The following PTPRC variants were observed in gnomAD, a reference collection of about 807,000 sequenced individuals.
The protein encoded by PTPRC is receptor-type tyrosine-protein phosphatase C.
PTPRC carries 44 observed loss-of-function variants against 155.9 expected under a neutral mutation model. The ratio of observed to expected loss-of-function variants is 0.28; its 90% CI spans 0.22 to 0.36. PTPRC has a LOEUF of 0.36. Among genes scored for constraint, PTPRC ranks in the 10% least tolerant of loss-of-function variants. The probability of loss-of-function intolerance (pLI) is 1.00; values close to 1 mark genes in which losing one functional copy is unlikely to be tolerated. For missense variants in PTPRC, 1,401 were observed against 1,564.6 expected, an observed-to-expected ratio of 0.90 and a Z score of 1.76; for synonymous variants, 525 against 533.1, an observed-to-expected ratio of 0.98 and a Z score of 0.21.
intron 2 of PTPRC, among the ~76,000 whole-genome samples, chr1:198,651,986 G>A (rs1208669275): frequency 6.6e-6 from 1 of 151,670 alleles, no homozygotes; most frequent in Non-Finnish European, 1.5e-5. Flanking sequence ...ACAATCCTTG[G>A]TCACTAGTCT....
chr1:198,660,136 C>G (rs1663875237), intron 2 of PTPRC, among the ~76,000 whole-genome samples: 1 of 146,790 alleles, frequency 6.8e-6, no homozygotes, highest in Non-Finnish European at 1.5e-5. Flanking sequence ...CATTTTCAGT[C>G]TCTTCATATA....
chr1:198,638,984 C>T (rs575470980), upstream of PTPRC: 624 of 395,272 alleles, frequency 1.6e-3, 8 homozygotes, highest in African/African-American at 0.011. Flanking sequence ...ACTTTTTTGA[C>T]TTCCTGCAAA....
At chr1:198,750,461 AC>A (rs1366395264) in intron 28 of PTPRC, 30 bp from the exon 29 acceptor site, 1 of 1,604,094 alleles carries the variant, frequency 6.2e-7, no homozygotes. Flanking sequence ...TTCTGTAGTA[AC>A]GAAGTCCCAC....
rs1327707924 is a variant in PTPRC, at chr1:198,640,952, T to C, written c.73+1611T>C. On this transcript the variant is annotated intron_variant, in intron 2 of 32. Coordinates refer to ENST00000442510, the MANE Select transcript of PTPRC (RefSeq NM_002838.5). ...AAATTCAACTCATTCTATTACAGGA[T>C]GTTTTTTTAACCATAAGACACATCT... is the stretch of plus-strand genomic sequence containing the variant. Among the ~76,000 whole-genome samples the C allele has an allele frequency of 3.3e-5, 5 of 152,120 alleles. No individual in the cohort carries two copies. In the East Asian group the frequency reaches 5.8e-4, roughly 18 times the overall value.
intron 7 of PTPRC, chr1:198,703,656 AG>A (rs1187760886): frequency 1.9e-6 from 1 of 514,026 alleles, no homozygotes; most frequent in East Asian, 3.7e-5. Context: ...GGTCTTAGTA[AG>A]GAAAAGAACA....
At chr1:198,644,363 A>G (rs1411035939) in intron 2 of PTPRC, among the ~76,000 whole-genome samples, 1 of 151,906 alleles carries the variant, frequency 6.6e-6, no homozygotes, top group East Asian at 1.9e-4. Context: ...AAATATGGCA[A>G]GACTTTAGCA....
In PTPRC at chr1:198,639,458, A is replaced by G. The variant is rs568091555; in HGVS notation, c.73+117A>G. Reference sequence around the variant, plus strand: ...TAACTGGAAGTGAGAAGCCTGCTGTAAACCATCAAGATTGTTGTCTCAGGG... The same window carrying G: ...TAACTGGAAGTGAGAAGCCTGCTGTGAACCATCAAGATTGTTGTCTCAGGG... On this transcript the variant is annotated intron_variant, in intron 2 of 32. Transcript: ENST00000442510. The G allele has an allele frequency of 3.9e-6, 3 of 777,862 alleles. No individual in the cohort carries two copies. The South Asian group carries it at 5.0e-5, about 13-fold the overall frequency. 48.2% of individuals were successfully genotyped at this position (777,862 alleles called of 1,614,324 possible). A position where few individuals can be genotyped will look rare whatever the true frequency, so the allele number is the denominator to read the frequency against.
intron 2 of PTPRC, among the ~76,000 whole-genome samples, chr1:198,686,832 G>A (rs1473963789): frequency 6.6e-6 from 1 of 152,130 alleles, no homozygotes; most frequent in Non-Finnish European, 1.5e-5. Context: ...AAGTAATACA[G>A]GAAATAGGGT....
chr1:198,749,206 T>G (rs751693608), intron 27 of PTPRC, among the ~76,000 whole-genome samples: 7 of 151,762 alleles, frequency 4.6e-5, no homozygotes, highest in Admixed American at 3.3e-4. Flanking sequence ...ATGTTCCATG[T>G]TTTTTCCTGG....
intron 2 of PTPRC, among the ~76,000 whole-genome samples, chr1:198,673,211 G>T (rs1286527827): frequency 2.0e-5 from 3 of 151,900 alleles, no homozygotes; most frequent in Admixed American, 1.3e-4. Flanking sequence ...TAAGAATAGG[G>T]TAGGCATTCT....
intron 7 of PTPRC, 144 bp downstream of exon 7, chr1:198,703,516 G>GA: frequency 7.7e-7 from 1 of 1,297,028 alleles, no homozygotes; most frequent in Non-Finnish European, 1.1e-6. Context: ...TGGAACAGCA[G>GA]GAAGATATTT....
intron 2 of PTPRC, chr1:198,679,664 G>A: frequency 3.4e-6 from 1 of 296,462 alleles, no homozygotes; most frequent in Non-Finnish European, 6.6e-6. Context: ...TCAGCAGCCT[G>A]TCCTGTTTGT....
intron 16 of PTPRC, among the ~76,000 whole-genome samples, chr1:198,728,726 T>G (rs1184230142): frequency 1.3e-5 from 2 of 152,174 alleles, no homozygotes; most frequent in South Asian, 4.1e-4. Context: ...TAGTACAAAG[T>G]GGGTCAGAGG....
chr1:198,756,257 A>C lies in PTPRC; in HGVS notation c.*76A>C. The C allele has an allele frequency of 6.4e-7, 1 of 1,552,332 alleles. No homozygotes were observed. On this transcript the variant is annotated 3_prime_UTR_variant, in exon 33 of 33. Coordinates refer to ENST00000442510, the MANE Select transcript of PTPRC (RefSeq NM_002838.5). ...ATTTTTGTAGAAGTAGGAAGTGAAA[A>C]TAGGTATACAGTGGATTAATTAAAT... is the stretch of plus-strand genomic sequence containing the variant.
chr1:198,660,326 A>G (rs1663884646), intron 2 of PTPRC, among the ~76,000 whole-genome samples: 1 of 151,894 alleles, frequency 6.6e-6, no homozygotes, highest in Non-Finnish European at 1.5e-5. Flanking sequence ...TACTGTGTTC[A>G]GGGTTTTATC....
chr1:198,722,956 C>T (rs1653961960), intron 15 of PTPRC, among the ~76,000 whole-genome samples: 1 of 151,656 alleles, frequency 6.6e-6, no homozygotes, highest in Non-Finnish European at 1.5e-5. Context: ...AAAATATTTT[C>T]ATCAAAGTAA....
chr1:198,692,343 G>T lies in PTPRC; in HGVS notation c.74-4G>T. The T allele has an allele frequency of 6.6e-7, 1 of 1,515,098 alleles. No individual in the cohort carries two copies. 93.9% of individuals were successfully genotyped at this position (1,515,098 alleles called of 1,614,324 possible). A position where few individuals can be genotyped will look rare whatever the true frequency, so the allele number is the denominator to read the frequency against. ...TCTAAGAGATTTTTGTTTCTTCTTT[G>T]CAGGGCAAAGCCCAACACCTTCCCC... On this transcript the variant is annotated splice_polypyrimidine_tract_variant and splice_region_variant and intron_variant, in intron 2 of 32. Coordinates refer to ENST00000442510, the MANE Select transcript of PTPRC (RefSeq NM_002838.5).
chr1:198,745,697 T>C (rs1571890321), intron 26 of PTPRC, among the ~76,000 whole-genome samples: 1 of 151,790 alleles, frequency 6.6e-6, no homozygotes, highest in Admixed American at 6.6e-5. Context: ...GTAGAGGCTG[T>C]GTATGCAGAT....
intron 15 of PTPRC, among the ~76,000 whole-genome samples, chr1:198,723,026 G>T (rs548921790): frequency 3.3e-5 from 5 of 151,370 alleles, no homozygotes; most frequent in Non-Finnish European, 7.4e-5. Context: ...AATAACAGCT[G>T]CATGTTACAT....
Sources: gnomAD v4.1 joint callset for allele counts (sites outside exome capture counted in the v4.1 genomes callset) on GRCh38, gnomAD v4.1.1 for gene constraint, MANE v1.5 for transcripts, NCBI Gene and HGNC (gene_info 2026-07-23, HGNC 2026-07-21) for gene names.